The following FANCC variants were observed in gnomAD, a reference collection of about 807,000 sequenced individuals.
FANCC encodes the protein FA complementation group C.
FANCC carries 55 observed loss-of-function variants against 71.3 expected under a neutral mutation model. That is an observed-to-expected ratio of 0.77 (90% CI 0.62 to 0.97). FANCC has a LOEUF of 0.97. FANCC is among the 50% of genes least tolerant of loss of function. FANCC has a pLI of 0.00. For missense variants in FANCC, 678 were observed against 670.9 expected, an observed-to-expected ratio of 1.01 and a Z score of -0.12; for synonymous variants, 275 against 244.9, an observed-to-expected ratio of 1.12 and a Z score of -1.15.
At chr9:95,109,920 A>G (rs2071770518) in intron 13 of FANCC, among the ~76,000 whole-genome samples, 1 of 152,244 alleles carries the variant, frequency 6.6e-6, no homozygotes, top group African/African-American at 2.4e-5. Flanking sequence ...CGTATCATTC[A>G]TTAAACTAAA....
chr9:95,148,973 AAAC>A (rs1306486118), intron 7 of FANCC, among the ~76,000 whole-genome samples: 2 of 152,206 alleles, frequency 1.3e-5, no homozygotes, highest in Non-Finnish European at 2.9e-5. Flanking sequence ...ACTTCAACCA[AAAC>A]AACACGTCCC....
intron 13 of FANCC, chr9:95,111,136 G>C: frequency 6.5e-7 from 1 of 1,534,194 alleles, no homozygotes; most frequent in Non-Finnish European, 8.7e-7. Context: ...GCCCGCCTCT[G>C]CAGGGCACGC....
At chr9:95,234,188 G>T (rs1784116049) in intron 4 of FANCC, among the ~76,000 whole-genome samples, 1 of 152,198 alleles carries the variant, frequency 6.6e-6, no homozygotes, top group South Asian at 2.1e-4. Flanking sequence ...TCATTAAAAG[G>T]TTATGCTAAT....
In FANCC at chr9:95,101,375, C is replaced by G; in HGVS notation, c.*332G>C. On this transcript the variant is annotated 3_prime_UTR_variant, in exon 15 of 15. Transcript: ENST00000289081. ...GAATTTTTAAATAATAGATGTGCAG[C>G]TTGACTTGGGTAAAAACTAGAAACC... 2.4e-6 allele frequency: 1 copy of G among 417,210 alleles called. No homozygotes were observed. The highest frequency in any genetic ancestry group is 4.4e-6 in the Non-Finnish European group (1 of 226,178). 25.8% of individuals were successfully genotyped at this position (417,210 alleles called of 1,614,324 possible).
intron 4 of FANCC, among the ~76,000 whole-genome samples, chr9:95,216,421 T>C (rs563431397): frequency 1.8e-4 from 28 of 152,322 alleles, no homozygotes; most frequent in Non-Finnish European, 3.5e-4. Context: ...AGGAGATTGA[T>C]AAAAATAGAC....
At chr9:95,300,902 C>T (rs942642839) in intron 1 of FANCC, among the ~76,000 whole-genome samples, 2 of 151,848 alleles carry the variant, frequency 1.3e-5, no homozygotes, top group African/African-American at 4.8e-5. Context: ...AAGGGCTGCA[C>T]AAAATAAGTC....
intron 4 of FANCC, among the ~76,000 whole-genome samples, chr9:95,180,490 G>A (rs1826276892): frequency 6.6e-6 from 1 of 151,702 alleles, no homozygotes; most frequent in African/African-American, 2.4e-5. Context: ...AATAAGCTGA[G>A]GCTTATTTTT....
rs781144846 is a variant in FANCC, at chr9:95,107,190, A to G, written c.1409T>C (p.Val470Ala). ...SSLSAQDLQT[V>A]AGQGTDTDLR... ...GTCTGTGTCTGTGCCCTGTCCTGCT[A>G]CCGTCTGCAGGTCCTGGGCTGAGAG... Residue 470 changes from valine to alanine, a missense_variant, in exon 14 of 15, where the codon GTA becomes GCA. Coordinates refer to ENST00000289081, the MANE Select transcript of FANCC (RefSeq NM_000136.3). The G allele has an allele frequency of 6.2e-7, 1 of 1,614,176 alleles. No homozygotes were observed. The highest frequency in any genetic ancestry group is 1.1e-5 in the South Asian group (1 of 91,072).
At chr9:95,147,390 C>T (rs1829709361) in intron 7 of FANCC, among the ~76,000 whole-genome samples, 1 of 152,170 alleles carries the variant, frequency 6.6e-6, no homozygotes, top group South Asian at 2.1e-4. Context: ...ATGGTGCATG[C>T]CTGTAATCCC....
At chr9:95,261,089 A>T (rs1341590132) in intron 1 of FANCC, among the ~76,000 whole-genome samples, 1 of 152,222 alleles carries the variant, frequency 6.6e-6, no homozygotes, top group Non-Finnish European at 1.5e-5. Context: ...ACAAAGAGGG[A>T]GAGACGTTCA....
intron 4 of FANCC, among the ~76,000 whole-genome samples, chr9:95,236,440 C>T (rs976862034): frequency 1.3e-5 from 2 of 152,176 alleles, no homozygotes; most frequent in Admixed American, 1.3e-4. Context: ...CCCGGAACTT[C>T]GTCTCTGAAC....
chr9:95,202,303 G>C (rs1353879008), intron 4 of FANCC, among the ~76,000 whole-genome samples: 2 of 152,178 alleles, frequency 1.3e-5, no homozygotes, highest in Non-Finnish European at 1.5e-5. Flanking sequence ...AACGGGGCAG[G>C]GCTGCCTCTA....
At chr9:95,171,679 G>A (rs1825688360) in intron 5 of FANCC, among the ~76,000 whole-genome samples, 1 of 152,138 alleles carries the variant, frequency 6.6e-6, no homozygotes, top group Non-Finnish European at 1.5e-5. Context: ...TGCTTTAACA[G>A]AAAATTCCAA....
intron 4 of FANCC, among the ~76,000 whole-genome samples, chr9:95,221,520 A>C (rs1475518460): frequency 6.6e-6 from 1 of 152,184 alleles, no homozygotes; most frequent in African/African-American, 2.4e-5. Context: ...CAAATCAGGA[A>C]AATTTTTAAA....
At chr9:95,221,958 A>C (rs1401136913) in intron 4 of FANCC, among the ~76,000 whole-genome samples, 1 of 152,150 alleles carries the variant, frequency 6.6e-6, no homozygotes, top group African/African-American at 2.4e-5. Flanking sequence ...AACACATACT[A>C]TCACACAATC....
intron 1 of FANCC, among the ~76,000 whole-genome samples, chr9:95,286,158 C>T (rs555196809): frequency 7.9e-5 from 12 of 152,284 alleles, no homozygotes; most frequent in African/African-American, 2.9e-4. Context: ...AAAGCAAACA[C>T]CACAATGTTA....
At chr9:95,190,737 G>A (rs751946669) in intron 4 of FANCC, among the ~76,000 whole-genome samples, 5 of 152,206 alleles carry the variant, frequency 3.3e-5, no homozygotes, top group African/African-American at 1.2e-4. Flanking sequence ...CTGGTACACC[G>A]CATGCTACAC....
chr9:95,285,493 A>G (rs542127446), intron 1 of FANCC, among the ~76,000 whole-genome samples: 6 of 152,326 alleles, frequency 3.9e-5, no homozygotes, highest in African/African-American at 1.4e-4. Flanking sequence ...CATCTACTAA[A>G]TGCTGACTAA....
chr9:95,153,509 A>G (rs893438717), intron 6 of FANCC, among the ~76,000 whole-genome samples: 4 of 152,168 alleles, frequency 2.6e-5, no homozygotes, highest in Non-Finnish European at 5.9e-5. Flanking sequence ...GCCAACATCT[A>G]AAAGGCCATT....
Sources: gnomAD v4.1 joint callset for allele counts (sites outside exome capture counted in the v4.1 genomes callset) on GRCh38, gnomAD v4.1.1 for gene constraint, MANE v1.5 for transcripts, NCBI Gene and HGNC (gene_info 2026-07-23, HGNC 2026-07-21) for gene names.